NEGR1: variants seen among roughly 807,000 people sequenced by gnomAD.
NEGR1 encodes IgLON family member 4.
A neutral mutation model predicts 40.9 loss-of-function variants in NEGR1; 10 were observed. The ratio of observed to expected loss-of-function variants is 0.24; its 90% CI spans 0.15 to 0.42. The LOEUF (loss-of-function observed/expected upper bound fraction) is 0.42. Among genes scored for constraint, NEGR1 ranks in the 10% least tolerant of loss-of-function variants. The pLI, the probability that NEGR1 is intolerant of heterozygous loss-of-function variation, is 1.00. For missense variants in NEGR1, 352 were observed against 438.9 expected, an observed-to-expected ratio of 0.80 and a Z score of 1.77; for synonymous variants, 185 against 166.8, an observed-to-expected ratio of 1.11 and a Z score of -0.84.
chr1:71,564,104 C>T (rs79546782), intron 6 of NEGR1, among the ~76,000 whole-genome samples: 2,842 of 152,072 alleles, frequency 0.019, 40 homozygotes, highest in Non-Finnish European at 0.027. Context: ...GCATTACCTG[C>T]GAGACTGTTA....
intron 2 of NEGR1, among the ~76,000 whole-genome samples, chr1:71,909,159 T>C (rs562690924): frequency 1.3e-5 from 2 of 152,290 alleles, no homozygotes; most frequent in Admixed American, 1.3e-4. Context: ...GGCACAATCC[T>C]AAAGATGAAA....
At chr1:71,699,597 CTT>C (rs1263686709) in intron 3 of NEGR1, among the ~76,000 whole-genome samples, 1 of 151,516 alleles carries the variant, frequency 6.6e-6, no homozygotes, top group East Asian at 1.9e-4. Context: ...TAAAATATAA[CTT>C]AAATTATAAA....
chr1:72,031,880 G>A (rs1428328687), intron 1 of NEGR1, among the ~76,000 whole-genome samples: 2 of 152,138 alleles, frequency 1.3e-5, no homozygotes, highest in Admixed American at 6.5e-5. Context: ...TTCAAGAAGA[G>A]GAAGGGGTGC....
chr1:72,104,191 A>C (rs1426762483), intron 1 of NEGR1, among the ~76,000 whole-genome samples: 1 of 152,056 alleles, frequency 6.6e-6, no homozygotes, highest in African/African-American at 2.4e-5. Context: ...CTATGTCCTA[A>C]TCCCTAGAAC....
At chr1:72,125,836 A>C (rs1649994465) in intron 1 of NEGR1, among the ~76,000 whole-genome samples, 1 of 152,176 alleles carries the variant, frequency 6.6e-6, no homozygotes, top group African/African-American at 2.4e-5. Flanking sequence ...GAACAAAGTA[A>C]GAAACAATAA....
At chr1:71,478,025 TG>T (rs1323049828) in intron 6 of NEGR1, among the ~76,000 whole-genome samples, 1 of 152,068 alleles carries the variant, frequency 6.6e-6, no homozygotes, top group East Asian at 1.9e-4. Flanking sequence ...AGCCAAAGAT[TG>T]TCTCTGTTTA....
chr1:71,836,516 C>A (rs1659037933), intron 2 of NEGR1, among the ~76,000 whole-genome samples: 1 of 150,414 alleles, frequency 6.6e-6, no homozygotes, highest in African/African-American at 2.4e-5. Context: ...GGTACTCTTA[C>A]TCTTAGCACA....
At chr1:71,939,238 A>C (rs746298153) in intron 1 of NEGR1, among the ~76,000 whole-genome samples, 8 of 152,146 alleles carry the variant, frequency 5.3e-5, no homozygotes, top group Non-Finnish European at 1.0e-4. Context: ...AAATGACCTA[A>C]TGTATTAAAC....
chr1:71,442,226 CTTTTTTTT>C (rs35594326), intron 6 of NEGR1, among the ~76,000 whole-genome samples: 4 of 84,984 alleles, frequency 4.7e-5, no homozygotes, highest in South Asian at 5.0e-4. Flanking sequence ...GGTAGCATTC[CTTTTTTTT>C]TTTTTTTTTT....
intron 6 of NEGR1, among the ~76,000 whole-genome samples, chr1:71,526,339 T>C (rs1183334517): frequency 6.6e-5 from 10 of 151,610 alleles, no homozygotes; most frequent in Non-Finnish European, 1.2e-4. Flanking sequence ...TAGACTTTGC[T>C]TGATGCCTCC....
At chr1:71,641,720 G>A (rs149792211) in intron 4 of NEGR1, among the ~76,000 whole-genome samples, 56 of 152,122 alleles carry the variant, frequency 3.7e-4, no homozygotes, top group African/African-American at 1.3e-3. Flanking sequence ...AATGCAAGCA[G>A]GTGCGGTACA....
intron 1 of NEGR1, among the ~76,000 whole-genome samples, chr1:72,072,804 A>G (rs533807360): frequency 3.9e-5 from 6 of 152,264 alleles, no homozygotes; most frequent in African/African-American, 1.2e-4. Context: ...TGATCTGCCA[A>G]TGCGGTCTCA....
At chr1:71,546,524 T>C (rs1208107809) in intron 6 of NEGR1, among the ~76,000 whole-genome samples, 4 of 151,884 alleles carry the variant, frequency 2.6e-5, no homozygotes, top group Admixed American at 1.3e-4. Context: ...TAGTAGTATG[T>C]ATGCATTGAG....
At position 72,174,413 on chromosome 1, in the gene NEGR1, A is replaced by T. The variant is rs144126240; in HGVS notation, c.176+107906T>A. ...AGATTCTATATGTTTGGATAAATGT[A>T]TAATGACATGTATCCACCATTATAG... On this transcript the variant is annotated intron_variant, in intron 1 of 6. Coordinates refer to ENST00000357731, the MANE Select transcript of NEGR1 (RefSeq NM_173808.3). Among the ~76,000 whole-genome samples, 1,172 of 152,348 alleles carry T rather than the reference A, an allele frequency of 7.7e-3. 11 individuals carry two copies. The highest frequency in any genetic ancestry group is 0.026 in the African/African-American group (1,080 of 41,582).
At chr1:71,586,001 G>C (rs759850812) in intron 6 of NEGR1, among the ~76,000 whole-genome samples, 1 of 152,002 alleles carries the variant, frequency 6.6e-6, no homozygotes, top group South Asian at 2.1e-4. Flanking sequence ...CATTTTGCAT[G>C]TCCTCTCATT....
chr1:71,831,657 C>A (rs1215524011), intron 2 of NEGR1, among the ~76,000 whole-genome samples: 1 of 151,888 alleles, frequency 6.6e-6, no homozygotes, highest in Non-Finnish European at 1.5e-5. Context: ...GTTGCTGTGA[C>A]ATACTATTAG....
At chr1:72,142,885 A>G (rs2100338623) in intron 1 of NEGR1, among the ~76,000 whole-genome samples, 1 of 152,058 alleles carries the variant, frequency 6.6e-6, no homozygotes, top group East Asian at 1.9e-4. Flanking sequence ...ATACATTCAA[A>G]TTAATTGCAT....
chr1:71,676,474 G>C (rs752899471), intron 4 of NEGR1, among the ~76,000 whole-genome samples: 63 of 152,134 alleles, frequency 4.1e-4, no homozygotes, highest in Non-Finnish European at 7.4e-4. Context: ...TGAAATGATT[G>C]CTGTAAGACA....
intron 3 of NEGR1, among the ~76,000 whole-genome samples, chr1:71,764,532 C>CG (rs1211201348): frequency 6.6e-6 from 1 of 151,916 alleles, no homozygotes; most frequent in Non-Finnish European, 1.5e-5. Flanking sequence ...AAGTTCAAAA[C>CG]GGGTCATAAA....
Sources: allele counts gnomAD v4.1 joint callset (sites outside exome capture counted in the v4.1 genomes callset), GRCh38; gene constraint gnomAD v4.1.1; transcripts MANE v1.5; gene names NCBI Gene and HGNC (gene_info 2026-07-23, HGNC 2026-07-21).